The following OPCML variants were observed in gnomAD, a reference collection of about 807,000 sequenced individuals.
OPCML encodes the protein opioid binding protein/cell adhesion molecule like, also known as opioid-binding protein/cell adhesion molecule.
Under a neutral mutation model 37.8 loss-of-function variants are expected in OPCML, and 13 were observed. That is an observed-to-expected ratio of 0.34 (90% CI 0.22 to 0.55). OPCML has a LOEUF of 0.55. OPCML is among the 20% of genes least tolerant of loss of function. The pLI, the probability that OPCML is intolerant of heterozygous loss-of-function variation, is 0.91. For missense variants in OPCML, 341 were observed against 435.6 expected, an observed-to-expected ratio of 0.78 and a Z score of 1.93; for synonymous variants, 176 against 168.8, an observed-to-expected ratio of 1.04 and a Z score of -0.33.
intron 2 of OPCML, among the ~76,000 whole-genome samples, chr11:132,893,879 A>G (rs946050634): frequency 4.6e-5 from 7 of 151,982 alleles, no homozygotes; most frequent in African/African-American, 1.7e-4. Flanking sequence ...GTCTTTACAC[A>G]CTCTTATCAA....
intron 2 of OPCML, among the ~76,000 whole-genome samples, chr11:132,823,140 C>G (rs890550900): frequency 6.6e-6 from 1 of 152,164 alleles, no homozygotes; most frequent in Non-Finnish European, 1.5e-5. Context: ...CTGAGTCTAC[C>G]TGGCCATCCT....
chr11:133,456,767 G>A (rs1215621880), intron 1 of OPCML, among the ~76,000 whole-genome samples: 4 of 146,642 alleles, frequency 2.7e-5, no homozygotes, highest in African/African-American at 1.1e-4. Flanking sequence ...CAGCGTGGCT[G>A]TCCCAATCAG....
At chr11:133,114,203 C>T (rs998830760) in intron 1 of OPCML, among the ~76,000 whole-genome samples, 2 of 152,184 alleles carry the variant, frequency 1.3e-5, no homozygotes, top group African/African-American at 4.8e-5. Context: ...TCCCCCTGAA[C>T]TGCTCGCTCT....
At chr11:133,049,624 G>A (rs1177908481) in intron 1 of OPCML, among the ~76,000 whole-genome samples, 1 of 152,252 alleles carries the variant, frequency 6.6e-6, no homozygotes, top group Non-Finnish European at 1.5e-5. Context: ...ATGTAAATGT[G>A]AAGTGCTAAT....
chr11:132,451,481 C>T (rs1220226669), intron 4 of OPCML, among the ~76,000 whole-genome samples: 1 of 152,172 alleles, frequency 6.6e-6, no homozygotes, highest in East Asian at 1.9e-4. Flanking sequence ...CTTTATGCAG[C>T]TGGTCTGGCT....
intron 1 of OPCML, chr11:133,067,263 C>G (rs568833227): frequency 6.6e-6 from 1 of 152,122 alleles, no homozygotes; most frequent in African/African-American, 2.4e-5. Context: ...GTCATTTGCT[C>G]GGAGATCTGC....
At chr11:132,540,466 G>T (rs2096353491) in intron 3 of OPCML, among the ~76,000 whole-genome samples, 1 of 152,162 alleles carries the variant, frequency 6.6e-6, no homozygotes, top group Admixed American at 6.5e-5. Flanking sequence ...ATTGGAACTA[G>T]GTGAGTTGTG....
At chr11:133,199,317 T>C (rs569987618) in intron 1 of OPCML, among the ~76,000 whole-genome samples, 1 of 152,354 alleles carries the variant, frequency 6.6e-6, no homozygotes, top group East Asian at 1.9e-4. Flanking sequence ...TTGTTATATG[T>C]TGCTCTTGGA....
intron 1 of OPCML, among the ~76,000 whole-genome samples, chr11:133,424,127 A>T (rs1945952362): frequency 6.6e-6 from 1 of 152,218 alleles, no homozygotes; most frequent in Non-Finnish European, 1.5e-5. Flanking sequence ...TTCCTATATT[A>T]TAACCTGCTA....
chr11:132,459,068 T>G (rs578195240), intron 4 of OPCML, among the ~76,000 whole-genome samples: 1 of 152,226 alleles, frequency 6.6e-6, no homozygotes, highest in African/African-American at 2.4e-5. Flanking sequence ...CTTCCCAATG[T>G]GGGCAGGCAT....
intron 3 of OPCML, among the ~76,000 whole-genome samples, chr11:132,582,673 G>A (rs1395571532): frequency 1.3e-5 from 2 of 152,052 alleles, no homozygotes; most frequent in African/African-American, 2.4e-5. Context: ...GGAAAGTTAC[G>A]AAAGTTTCCA....
chr11:132,970,113 TC>T (rs1946307190), intron 1 of OPCML, among the ~76,000 whole-genome samples: 1 of 152,184 alleles, frequency 6.6e-6, no homozygotes, highest in Admixed American at 6.5e-5. Flanking sequence ...CTTCATGGTT[TC>T]CAGGTCATGG....
At chr11:133,373,798 T>C (rs368640309) in intron 1 of OPCML, among the ~76,000 whole-genome samples, 2 of 152,330 alleles carry the variant, frequency 1.3e-5, no homozygotes, top group East Asian at 1.9e-4. Flanking sequence ...TTTTCTCTTA[T>C]GTTATGGTCA....
intron 1 of OPCML, among the ~76,000 whole-genome samples, chr11:133,204,872 A>ATATATATATATATATATATATATGTGTG (rs1565502175): frequency 2.0e-4 from 3 of 14,802 alleles, no homozygotes; most frequent in African/African-American, 3.3e-4. Context: ...ATATGTGTAT[A>ATATATATATATATATATATATATGTGTG]TATATATATA....
chr11:133,429,615 G>A (rs12801983), intron 1 of OPCML, among the ~76,000 whole-genome samples: 25,561 of 152,138 alleles, frequency 0.17, 2,644 homozygotes, highest in African/African-American at 0.29. Flanking sequence ...AGATGGTATG[G>A]AAGATTTTGC....
In OPCML at chr11:133,158,757, TG is replaced by T. The variant is rs749508885; in HGVS notation, c.62-215748del. Among the ~76,000 whole-genome samples the T allele has an allele frequency of 3.9e-3, 566 of 145,720 alleles. 1 individual carries two copies. Among genetic ancestry groups the T allele is most frequent in the Non-Finnish European group, 5.4e-3 (360 of 66,060 alleles). On this transcript the variant is annotated intron_variant, in intron 1 of 7. Transcript: ENST00000524381. ...TAAAATAAAATAAAATAAAATAAAA[TG>T]AAAATTAAAAAAAATTTCTAGGAGG...
intron 4 of OPCML, among the ~76,000 whole-genome samples, chr11:132,459,278 C>A (rs1162412237): frequency 6.6e-6 from 1 of 151,974 alleles, no homozygotes; most frequent in African/African-American, 2.4e-5. Flanking sequence ...GTACTCAGGC[C>A]TTTGGACTCC....
intron 3 of OPCML, among the ~76,000 whole-genome samples, chr11:132,616,980 AGACATT>A (rs1939070619): frequency 6.6e-6 from 1 of 152,242 alleles, no homozygotes; most frequent in East Asian, 1.9e-4. Flanking sequence ...TGGTGAGCAG[AGACATT>A]GACAAAGGAG....
chr11:133,422,223 C>T (rs1333267794), intron 1 of OPCML: 3 of 984,028 alleles, frequency 3.0e-6, no homozygotes, highest in East Asian at 2.3e-4. Context: ...TGATTTTATA[C>T]CTGAGAGCCC....
Sources: allele counts gnomAD v4.1 joint callset (sites outside exome capture counted in the v4.1 genomes callset), GRCh38; gene constraint gnomAD v4.1.1; transcripts MANE v1.5; gene names NCBI Gene and HGNC (gene_info 2026-07-23, HGNC 2026-07-21).